LHFPL6: variants seen among roughly 807,000 people sequenced by gnomAD.
LHFPL6 encodes the protein LHFPL tetraspan subfamily member 6 protein.
A neutral mutation model predicts 20.6 loss-of-function variants in LHFPL6; 9 were observed. That is an observed-to-expected ratio of 0.44 (90% confidence interval 0.26 to 0.76). The LOEUF (loss-of-function observed/expected upper bound fraction) is 0.76. LHFPL6 is among the 30% of genes least tolerant of loss of function. The probability of loss-of-function intolerance (pLI) is 0.20; values close to 1 mark genes in which losing one functional copy is unlikely to be tolerated. For missense variants in LHFPL6, 218 were observed against 253.5 expected, an observed-to-expected ratio of 0.86 and a Z score of 0.95; for synonymous variants, 105 against 98.7, an observed-to-expected ratio of 1.06 and a Z score of -0.38.
rs118026547 is a variant in LHFPL6 at position 39,390,716 on chromosome 13, C to T, written c.386-12190G>A. On this transcript the variant is annotated intron_variant, in intron 2 of 3. Coordinates refer to ENST00000379589, the MANE Select transcript of LHFPL6 (RefSeq NM_005780.3). ...ACTTTTTAAAAATCCAATCCAAGGCCGGGTGCAGAGGCTCACACCTGTAAT... is the reference window on the plus strand; with the variant it reads ...ACTTTTTAAAAATCCAATCCAAGGCTGGGTGCAGAGGCTCACACCTGTAAT... Among the ~76,000 whole-genome samples, 762 of 152,222 alleles carry T rather than the reference C, an allele frequency of 5.0e-3. 2 individuals are homozygous for T. Among genetic ancestry groups the T allele is most frequent in the Non-Finnish European group, 8.0e-3 (541 of 68,008 alleles).
At chr13:39,515,562 T>C (rs949709463) in intron 2 of LHFPL6, among the ~76,000 whole-genome samples, 4 of 152,204 alleles carry the variant, frequency 2.6e-5, no homozygotes, top group Non-Finnish European at 5.9e-5. Context: ...GCTTGCTAAA[T>C]GCTTGCCTTT....
intron 2 of LHFPL6, among the ~76,000 whole-genome samples, chr13:39,558,459 C>T (rs1871374240): frequency 6.6e-6 from 1 of 151,596 alleles, no homozygotes; most frequent in African/African-American, 2.4e-5. Context: ...TGGAAGTTAC[C>T]TCTCAACTGT....
At chr13:39,542,718 C>T (rs772409736) in intron 2 of LHFPL6, among the ~76,000 whole-genome samples, 8 of 152,226 alleles carry the variant, frequency 5.3e-5, no homozygotes, top group Non-Finnish European at 7.3e-5. Context: ...AATCAACTTT[C>T]TCTTCAGTTC....
chr13:39,365,916 G>C (rs1869998526), intron 3 of LHFPL6, among the ~76,000 whole-genome samples: 2 of 152,318 alleles, frequency 1.3e-5, no homozygotes, highest in East Asian at 3.9e-4. Context: ...GAATGCATCA[G>C]TAAGGCTGTA....
intron 2 of LHFPL6, among the ~76,000 whole-genome samples, chr13:39,551,296 G>C (rs971761837): frequency 1.3e-5 from 2 of 152,050 alleles, no homozygotes; most frequent in Non-Finnish European, 2.9e-5. Flanking sequence ...AAGTGAGTGA[G>C]ACAGGGCAAA....
chr13:39,554,540 G>GT (rs1871243254), intron 2 of LHFPL6, among the ~76,000 whole-genome samples: 1 of 152,160 alleles, frequency 6.6e-6, no homozygotes, highest in South Asian at 2.1e-4. Flanking sequence ...CCTTCTAGTT[G>GT]TTTCGCCTGC....
chr13:39,345,743 A>T (rs1175140121), intron 3 of LHFPL6, among the ~76,000 whole-genome samples: 1 of 152,056 alleles, frequency 6.6e-6, no homozygotes, highest in Non-Finnish European at 1.5e-5. Context: ...CGTTTATCTC[A>T]TCTCCCTAGA....
At chr13:39,352,149 A>T (rs1869585316) in intron 3 of LHFPL6, among the ~76,000 whole-genome samples, 1 of 152,182 alleles carries the variant, frequency 6.6e-6, no homozygotes, top group South Asian at 2.1e-4. Flanking sequence ...TTCTTTAAGG[A>T]TGTGGAAATG....
intron 2 of LHFPL6, among the ~76,000 whole-genome samples, chr13:39,542,055 C>A (rs1312295680): frequency 6.6e-6 from 1 of 150,784 alleles, no homozygotes; most frequent in Non-Finnish European, 1.5e-5. Context: ...CATGCCACTG[C>A]ACTCCAGCCT....
intron 2 of LHFPL6, among the ~76,000 whole-genome samples, chr13:39,591,842 T>A (rs1169075743): frequency 6.6e-6 from 1 of 152,196 alleles, no homozygotes; most frequent in Non-Finnish European, 1.5e-5. Flanking sequence ...ACACCTGTCA[T>A]CCCAGCACTT....
chr13:39,572,158 G>T (rs1375891284), intron 2 of LHFPL6, among the ~76,000 whole-genome samples: 1 of 152,176 alleles, frequency 6.6e-6, no homozygotes. Flanking sequence ...TAGCAACGTA[G>T]TAAGCTTTCA....
At chr13:39,598,040 C>T (rs1029839788) in intron 2 of LHFPL6, among the ~76,000 whole-genome samples, 2 of 152,218 alleles carry the variant, frequency 1.3e-5, no homozygotes, top group Admixed American at 6.5e-5. Flanking sequence ...CCCTCCTGGG[C>T]ATATCATTTT....
At chr13:39,362,882 G>A (rs972151203) in intron 3 of LHFPL6, among the ~76,000 whole-genome samples, 3 of 152,224 alleles carry the variant, frequency 2.0e-5, no homozygotes, top group Non-Finnish European at 4.4e-5. Context: ...AAGTGTGCAG[G>A]ACCTGTGTCC....
At chr13:39,521,527 G>A (rs761224614) in intron 2 of LHFPL6, among the ~76,000 whole-genome samples, 11 of 152,192 alleles carry the variant, frequency 7.2e-5, no homozygotes, top group East Asian at 1.9e-4. Context: ...TGATTGGTCA[G>A]TAGCAGCTAA....
chr13:39,344,916 G>C (rs2138331342), intron 3 of LHFPL6, among the ~76,000 whole-genome samples: 1 of 152,278 alleles, frequency 6.6e-6, no homozygotes, highest in South Asian at 2.1e-4. Flanking sequence ...CCCAAGAATA[G>C]GTCGGTGTCC....
chr13:39,479,118 C>CATCTATCT (rs71077302), intron 2 of LHFPL6, among the ~76,000 whole-genome samples: 18,268 of 121,314 alleles, frequency 0.15, 1,341 homozygotes, highest in Admixed American at 0.2. Context: ...TCTATCCATC[C>CATCTATCT]ATCTATCTAT....
chr13:39,390,005 C>CACCA (rs1870662769), intron 2 of LHFPL6, among the ~76,000 whole-genome samples: 1 of 152,180 alleles, frequency 6.6e-6, no homozygotes, highest in African/African-American at 2.4e-5. Context: ...AGAGCACAAG[C>CACCA]ACCAACAGAC....
intron 3 of LHFPL6, among the ~76,000 whole-genome samples, chr13:39,354,365 A>G (rs1040837602): frequency 1.3e-5 from 2 of 152,100 alleles, no homozygotes; most frequent in Non-Finnish European, 1.5e-5. Context: ...ACAAATAAAG[A>G]ATATAAAAAA....
rs189132979 is a variant in LHFPL6, at chr13:39,463,479, A to T, written c.386-84953T>A. Among the ~76,000 whole-genome samples the T allele has an allele frequency of 2.6e-5, 4 of 152,352 alleles. No individual in the cohort carries two copies. The East Asian group carries it at 5.8e-4, about 22-fold the overall frequency. On this transcript the variant is annotated intron_variant, in intron 2 of 3. Transcript: ENST00000379589. The stretch of plus-strand genomic sequence containing the variant: ...AAACTATTCAGCATAACAAAAGAAT[A>T]TCCAATATAAAATAATCTATTCAAA...
Sources: allele counts gnomAD v4.1 joint callset (sites outside exome capture counted in the v4.1 genomes callset), GRCh38; gene constraint gnomAD v4.1.1; transcripts MANE v1.5; gene names NCBI Gene and HGNC (gene_info 2026-07-23, HGNC 2026-07-21).